Variants in LRR1 observed in about 807,000 individuals in gnomAD.
The protein encoded by LRR1 is leucine-rich repeat protein 1.
Under a neutral mutation model 31.6 loss-of-function variants are expected in LRR1, and 29 were observed. The ratio of observed to expected loss-of-function variants is 0.92; its 90% CI spans 0.68 to 1.25. The LOEUF (loss-of-function observed/expected upper bound fraction) is 1.25, where lower values mean the gene tolerates loss of function less well. Ranked by LOEUF, LRR1 falls within the 50% of genes most tolerant of loss-of-function variation. The pLI, the probability that LRR1 is intolerant of heterozygous loss-of-function variation, is 0.00. For synonymous variants in LRR1, 179 were observed against 181.4 expected (o/e 0.99, Z 0.10); for missense variants, 485 against 487.2 (o/e 1.00, Z 0.04).
At chr14:49,605,587 T>A (rs1483184565) in intron 2 of LRR1, among the ~76,000 whole-genome samples, 1 of 152,216 alleles carries the variant, frequency 6.6e-6, no homozygotes, top group Non-Finnish European at 1.5e-5. Context: ...CTTTTCTTAA[T>A]AAAACTCTTT....
At chr14:49,601,787 C>T in intron 1 of LRR1, 1 of 517,032 alleles carries the variant, frequency 1.9e-6, no homozygotes, top group Admixed American at 3.2e-5. Flanking sequence ...CCACCACCAG[C>T]TAGATGAGGA....
chr14:49,601,531 C>A, intron 1 of LRR1: 1 of 958,396 alleles, frequency 1.0e-6, no homozygotes, highest in Non-Finnish European at 1.5e-6. Flanking sequence ...ATGTGTCAGT[C>A]ATCGTTCTAG....
rs117500205 is a variant in LRR1 at position 49,602,394 on chromosome 14, T to C, written c.208T>C (p.Phe70Leu). ...YELRENIEQF[F>L]TKFVDEGKAT... ...GCTAAGGGAGAACATTGAGCAATTC[T>C]TCACCAAATTTGTAGATGAGGGGAA... is the stretch of plus-strand genomic sequence containing the variant. The change falls in exon 2 of 4, where the codon TTC (phenylalanine) becomes CTC (leucine). Residue 70 changes from phenylalanine to leucine, a missense_variant. By Grantham distance (22) the Phe-to-Leu change is conservative. Coordinates refer to ENST00000298288, the MANE Select transcript of LRR1 (RefSeq NM_152329.4). The C allele has an allele frequency of 7.4e-5, 119 of 1,614,004 alleles. No individual in the cohort carries two copies. In the East Asian group the frequency reaches 2.6e-3, roughly 35 times the overall value.
chr14:49,602,587 T>C, intron 2 of LRR1, 119 bp downstream of exon 2: 1 of 747,116 alleles, frequency 1.3e-6, no homozygotes, highest in Non-Finnish European at 2.2e-6. Flanking sequence ...GCTCACTGCA[T>C]CAAACACCTA....
At position 49,600,107 on chromosome 14, in the gene LRR1, C is replaced by T. The variant is rs1012179009; in HGVS notation, c.183+904C>T. On this transcript the variant is annotated intron_variant, in intron 1 of 3. Transcript: ENST00000298288. Reference sequence around the variant, plus strand: ...CCAACGACGCCTTCCCGGAGGAGTACGTGCCCACCGTCTTCGACCACTACA... The same window carrying T: ...CCAACGACGCCTTCCCGGAGGAGTATGTGCCCACCGTCTTCGACCACTACA... The T allele has an allele frequency of 8.2e-6, 13 of 1,586,052 alleles. No individual in the cohort carries two copies. The African/African-American group carries it at 1.1e-4, about 13-fold the overall frequency.
chr14:49,602,581 A>C, intron 2 of LRR1, 113 bp downstream of exon 2: 8 of 768,698 alleles, frequency 1.0e-5, no homozygotes, highest in Non-Finnish European at 1.7e-5. Flanking sequence ...GTCATAGCTC[A>C]CTGCATCAAA....
At position 49,608,786 on chromosome 14, in the gene LRR1, A is replaced by C. The variant is rs148260862; in HGVS notation, c.1004+665A>C. Among the ~76,000 whole-genome samples, 81 of 152,040 alleles carry C rather than the reference A, an allele frequency of 5.3e-4. 1 individual carries two copies. In the East Asian group the frequency reaches 0.015, roughly 29 times the overall value. On this transcript the variant is annotated intron_variant, in intron 3 of 3. Coordinates refer to ENST00000298288, the MANE Select transcript of LRR1 (RefSeq NM_152329.4). ...CCAGCTGTGTCTTAGTGAGTCTTCC[A>C]AGTGATTTTGATGTACTCTAAAATT...
intron 1 of LRR1, chr14:49,601,181 G>A (rs1213990527): frequency 1.9e-6 from 3 of 1,561,262 alleles, no homozygotes; most frequent in Non-Finnish European, 2.6e-6. Flanking sequence ...GAGCACAAGT[G>A]TAACCTAAAT....
chr14:49,608,203 C>T, intron 3 of LRR1, 82 bp downstream of exon 3: 1 of 1,376,360 alleles, frequency 7.3e-7, no homozygotes, highest in Non-Finnish European at 9.6e-7. Context: ...TAAAGTCTAA[C>T]ATTGCTTACA....
intron 2 of LRR1, among the ~76,000 whole-genome samples, chr14:49,604,050 C>T (rs1220234779): frequency 1.3e-5 from 2 of 151,674 alleles, no homozygotes; most frequent in East Asian, 3.9e-4. Flanking sequence ...CACCTGTAAT[C>T]CCAGCACTTT....
At chr14:49,599,958 G>A in intron 1 of LRR1, 1 of 1,538,054 alleles carries the variant, frequency 6.5e-7, no homozygotes, top group Non-Finnish European at 8.8e-7. Flanking sequence ...GGGGCTCCGG[G>A]GGGACCATGC....
chr14:49,603,969 G>A (rs1882189032), intron 2 of LRR1, among the ~76,000 whole-genome samples: 2 of 151,154 alleles, frequency 1.3e-5, no homozygotes, highest in South Asian at 4.2e-4. Flanking sequence ...GGGATTATAG[G>A]CATGAGCCAC....
chr14:49,608,238 G>T, intron 3 of LRR1, 117 bp downstream of exon 3: 1 of 1,068,154 alleles, frequency 9.4e-7, no homozygotes. Flanking sequence ...CTGACCCTTT[G>T]CTATAATGGT....
In LRR1 at chr14:49,598,984, C is replaced by T. The variant is rs1881920550; in HGVS notation, c.-37C>T. 1.3e-6 allele frequency: 2 copies of T among 1,570,958 alleles called. No homozygotes were observed. Among genetic ancestry groups the T allele is most frequent in the Non-Finnish European group, 8.6e-7 (1 of 1,156,412 alleles). ...CCGGGTGGCGGGAAGGAGGAAGTTT[C>T]AAAGCCAGCTTGACGTGGTTGTGGC... On this transcript the variant is annotated 5_prime_UTR_variant, in exon 1 of 4. Coordinates refer to ENST00000298288, the MANE Select transcript of LRR1 (RefSeq NM_152329.4).
intron 1 of LRR1, chr14:49,601,529 G>A (rs1566491336): frequency 1.1e-6 from 1 of 941,532 alleles, no homozygotes. Context: ...TTATGTGTCA[G>A]TCATCGTTCT....
intron 3 of LRR1, among the ~76,000 whole-genome samples, chr14:49,613,069 G>A (rs1346312723): frequency 6.6e-6 from 1 of 152,162 alleles, no homozygotes; most frequent in Non-Finnish European, 1.5e-5. Context: ...GCCAGGCGTG[G>A]TGGCTCAAGC....
At chr14:49,612,699 G>GTCTCATTTAAGTCTCA in intron 3 of LRR1, 16 of 926,258 alleles carry the variant, frequency 1.7e-5, no homozygotes, top group Non-Finnish European at 2.1e-5. Flanking sequence ...CTCATTTTAA[G>GTCTCATTTAAGTCTCA]TTGTAAGACT....
intron 1 of LRR1, chr14:49,600,626 G>C: frequency 2.0e-6 from 3 of 1,502,248 alleles, no homozygotes; most frequent in Non-Finnish European, 2.7e-6. Context: ...AACATCTTCA[G>C]TGGCCAAGGA....
chr14:49,608,168 A>G, intron 3 of LRR1, 47 bp downstream of exon 3: 3 of 1,486,940 alleles, frequency 2.0e-6, no homozygotes, highest in South Asian at 1.4e-5. Context: ...ATAGCATTCT[A>G]ATATTCCTAT....
Sources: allele counts gnomAD v4.1 joint callset (sites outside exome capture counted in the v4.1 genomes callset), GRCh38; gene constraint gnomAD v4.1.1; transcripts MANE v1.5; gene names NCBI Gene and HGNC (gene_info 2026-07-23, HGNC 2026-07-21).